The following ARHGEF26 variants were observed in gnomAD, a reference collection of about 807,000 sequenced individuals.
ARHGEF26 encodes Rho guanine nucleotide exchange factor 26, also known as Rho guanine nucleotide exchange factor (GEF) 26.
In ARHGEF26, 59 loss-of-function variants were observed where a neutral mutation model predicts 89.4. The ratio of observed to expected loss-of-function variants is 0.66; its 90% CI spans 0.54 to 0.82. ARHGEF26 has a LOEUF of 0.82. Ranked by LOEUF, ARHGEF26 falls within the 40% of genes least tolerant of loss-of-function variation. The probability of loss-of-function intolerance (pLI) is 0.00; values close to 1 mark genes in which losing one functional copy is unlikely to be tolerated. For missense variants in ARHGEF26, 1,234 were observed against 1,085.6 expected, an observed-to-expected ratio of 1.14 and a Z score of -1.92; for synonymous variants, 500 against 428.4, an observed-to-expected ratio of 1.17 and a Z score of -2.06.
intron 9 of ARHGEF26, among the ~76,000 whole-genome samples, chr3:154,213,523 T>C (rs555642650): frequency 6.6e-6 from 1 of 152,332 alleles, no homozygotes; most frequent in East Asian, 1.9e-4. Flanking sequence ...TTGGTTTCTT[T>C]AGGATTTCCC....
At chr3:154,249,434 A>T (rs578129934) in intron 12 of ARHGEF26, among the ~76,000 whole-genome samples, 6 of 152,372 alleles carry the variant, frequency 3.9e-5, no homozygotes, top group African/African-American at 1.4e-4. Context: ...CATGCCATGC[A>T]TGGAGAACTT....
At chr3:154,137,439 C>T (rs1365581186) in intron 4 of ARHGEF26, among the ~76,000 whole-genome samples, 1 of 152,114 alleles carries the variant, frequency 6.6e-6, no homozygotes, top group Non-Finnish European at 1.5e-5. Context: ...AATTTCTTTG[C>T]TTTATAAATT....
Position 154,254,795 on chromosome 3 carries a change from T to A in ARHGEF26, c.2444T>A (p.Val815Asp). 2 of 1,613,868 alleles carry A rather than the reference T, an allele frequency of 1.2e-6. No homozygotes were observed. The highest frequency in any genetic ancestry group is 1.1e-5 in the South Asian group (1 of 91,080). The change falls in exon 14 of 15, where the codon GTC (valine) becomes GAC (aspartate). Residue 815 changes from valine (V) to aspartate (D), a missense_variant. Val to Asp is a radical substitution (Grantham distance 152). Transcript: ENST00000465093. The stretch of plus-strand genomic sequence containing the variant: ...GAACTCTCCCTGCAGGTGGCTGACG[T>A]CGTCCTCATCTATCAACGTGTCAGC... ...PDELSLQVAD[V>D]VLIYQRVSDG...
chr3:154,129,809 G>A (rs1282493693), intron 4 of ARHGEF26, 90 bp downstream of exon 4: 2 of 1,407,730 alleles, frequency 1.4e-6, no homozygotes, highest in African/African-American at 2.9e-5. Flanking sequence ...TTTTCTGCCA[G>A]TGATCCTGTA....
At chr3:154,198,452 C>A (rs1714420261) in intron 9 of ARHGEF26, among the ~76,000 whole-genome samples, 1 of 152,116 alleles carries the variant, frequency 6.6e-6, no homozygotes, top group Non-Finnish European at 1.5e-5. Flanking sequence ...GCACAATTTG[C>A]AGTTGCAAAA....
chr3:154,224,625 G>C (rs1329739805), intron 10 of ARHGEF26, among the ~76,000 whole-genome samples: 1 of 152,138 alleles, frequency 6.6e-6, no homozygotes, highest in African/African-American at 2.4e-5. Context: ...GTCTGCCGGA[G>C]TTATCTAAGC....
At chr3:154,147,866 A>G (rs957014183) in intron 4 of ARHGEF26, among the ~76,000 whole-genome samples, 7 of 149,672 alleles carry the variant, frequency 4.7e-5, no homozygotes, top group African/African-American at 1.7e-4. Flanking sequence ...CTACATTCTC[A>G]TTCTCCCCTG....
chr3:154,240,120 G>A (rs1393623051), intron 11 of ARHGEF26, among the ~76,000 whole-genome samples: 2 of 152,142 alleles, frequency 1.3e-5, no homozygotes, highest in African/African-American at 4.8e-5. Context: ...CCAGGATGAT[G>A]TCAATACTTG....
At chr3:154,241,121 T>C (rs1396495027) in intron 12 of ARHGEF26, among the ~76,000 whole-genome samples, 1 of 152,214 alleles carries the variant, frequency 6.6e-6, no homozygotes, top group African/African-American at 2.4e-5. Flanking sequence ...TGCCTGCAGT[T>C]TCGCCAGCAG....
At chr3:154,215,205 C>T (rs1715643956) in intron 9 of ARHGEF26, among the ~76,000 whole-genome samples, 1 of 152,126 alleles carries the variant, frequency 6.6e-6, no homozygotes, top group South Asian at 2.1e-4. Context: ...TTGACTCACT[C>T]AGTCACACAC....
intron 11 of ARHGEF26, among the ~76,000 whole-genome samples, chr3:154,237,684 A>T (rs1393316285): frequency 1.3e-5 from 2 of 152,232 alleles, no homozygotes; most frequent in East Asian, 1.9e-4. Flanking sequence ...AACATTTTCG[A>T]ATTTGAGTCA....
At chr3:154,227,321 A>G (rs567960164) in intron 11 of ARHGEF26, among the ~76,000 whole-genome samples, 7 of 135,750 alleles carry the variant, frequency 5.2e-5, no homozygotes, top group South Asian at 2.3e-4. Flanking sequence ...TTTGAGATAG[A>G]GTCTTGCTGT....
rs1718255224 is a variant in ARHGEF26 at position 154,253,040 on chromosome 3, A to T, written c.2301-76A>T. On this transcript the variant is annotated intron_variant, in intron 12 of 14. Transcript: ENST00000465093. ...TCTTGTTTTCTGGGAGTGCCTTTGC[A>T]TTGGCTGCCTAGAAAACACTCCATT... The T allele has an allele frequency of 6.5e-6, 10 of 1,546,916 alleles. No homozygotes were observed. In the South Asian group the frequency reaches 1.1e-4, roughly 18 times the overall value.
intron 4 of ARHGEF26, among the ~76,000 whole-genome samples, chr3:154,143,071 T>C (rs1292081359): frequency 6.6e-6 from 1 of 152,228 alleles, no homozygotes; most frequent in Admixed American, 6.5e-5. Context: ...CCTACTCGTT[T>C]TGTTTCTTTT....
chr3:154,231,373 G>T (rs577521710), intron 11 of ARHGEF26, among the ~76,000 whole-genome samples: 2 of 152,138 alleles, frequency 1.3e-5, no homozygotes, highest in African/African-American at 4.8e-5. Flanking sequence ...GATGCCTGGG[G>T]TCAGAAAACT....
chr3:154,252,585 GTAA>G (rs1718222344), intron 12 of ARHGEF26, among the ~76,000 whole-genome samples: 1 of 152,164 alleles, frequency 6.6e-6, no homozygotes, highest in Non-Finnish European at 1.5e-5. Context: ...TGGGAACAGT[GTAA>G]AAGTGGCCAA....
chr3:154,176,141 G>A (rs767124796), intron 6 of ARHGEF26, among the ~76,000 whole-genome samples: 5 of 152,076 alleles, frequency 3.3e-5, no homozygotes, highest in Non-Finnish European at 5.9e-5. Flanking sequence ...CTTTTAAACC[G>A]GAGACTATCA....
intron 3 of ARHGEF26, among the ~76,000 whole-genome samples, chr3:154,125,605 A>G (rs549145979): frequency 5.4e-4 from 83 of 152,306 alleles, no homozygotes; most frequent in East Asian, 1.9e-3. Context: ...GATGCTTTAC[A>G]TTCCCTGGAA....
At chr3:154,167,105 T>G (rs1712091036) in intron 6 of ARHGEF26, among the ~76,000 whole-genome samples, 1 of 152,202 alleles carries the variant, frequency 6.6e-6, no homozygotes, top group African/African-American at 2.4e-5. Context: ...CTTAGGAACT[T>G]TAAATGAATA....
Sources: gnomAD v4.1 joint callset for allele counts (sites outside exome capture counted in the v4.1 genomes callset) on GRCh38, gnomAD v4.1.1 for gene constraint, MANE v1.5 for transcripts, NCBI Gene and HGNC (gene_info 2026-07-23, HGNC 2026-07-21) for gene names.